Variants in AKAP9 observed in about 807,000 individuals in gnomAD.
AKAP9 encodes the protein A-kinase anchor protein 9.
AKAP9 carries 311 observed loss-of-function variants against 488.5 expected under a neutral mutation model. The observed-to-expected ratio is 0.64, with a 90% confidence interval of 0.58 to 0.70. The LOEUF (loss-of-function observed/expected upper bound fraction) is 0.70. Among genes scored for constraint, AKAP9 ranks in the 30% least tolerant of loss-of-function variants. The pLI is 0.00. For missense variants in AKAP9, 4,215 were observed against 4,374.5 expected, an observed-to-expected ratio of 0.96 and a Z score of 1.03; for synonymous variants, 1,462 against 1,483.5, an observed-to-expected ratio of 0.99 and a Z score of 0.33.
At chr7:91,944,823 G>A (rs1302379373) in intron 1 of AKAP9, among the ~76,000 whole-genome samples, 1 of 152,232 alleles carries the variant, frequency 6.6e-6, no homozygotes, top group East Asian at 1.9e-4. Flanking sequence ...CGTAGGCCTG[G>A]AATTGTAATT....
intron 2 of AKAP9, among the ~76,000 whole-genome samples, chr7:91,974,580 C>T (rs746746168): frequency 3.2e-4 from 49 of 152,108 alleles, no homozygotes; most frequent in Non-Finnish European, 6.5e-4. Context: ...ATTGTTTTGG[C>T]TGTTGCCTTG....
rs748478801 is a variant in AKAP9 at position 92,017,074 on chromosome 7, T to A, written c.3809T>A (p.Leu1270His). 3 of 1,588,754 alleles carry A rather than the reference T, an allele frequency of 1.9e-6. No homozygotes were observed. The South Asian group carries it at 3.4e-5, about 18-fold the overall frequency. Reference sequence around the variant, plus strand: ...AAAGTAACAGAAGAATACAACAAACTCTTGGTACTTCAAACACGACTAAGC... The same window carrying A: ...AAAGTAACAGAAGAATACAACAAACACTTGGTACTTCAAACACGACTAAGC... ...LNKVTEEYNK[L>H]LVLQTRLSKI... is the part of the protein sequence containing the mutation. Residue 1270 changes from leucine to histidine, a missense_variant, in exon 12 of 50, where the codon CTC becomes CAC. Coordinates refer to ENST00000356239, the MANE Select transcript of AKAP9 (RefSeq NM_005751.5).
chr7:91,971,560 C>CTTTTT lies in AKAP9; in HGVS notation c.49-2130_49-2126dup, dbSNP rs71107844. ...GTTTCTTGTGGATATACATCTATTT[C>CTTTTT]TTTTTTTTTTTTTTTTTTTTTTTTT... is the stretch of plus-strand genomic sequence containing the variant. On this transcript the variant is annotated intron_variant, in intron 1 of 49. Coordinates refer to ENST00000356239, the MANE Select transcript of AKAP9 (RefSeq NM_005751.5). Among the ~76,000 whole-genome samples, 242 of 68,564 alleles carry CTTTTT rather than the reference C, an allele frequency of 3.5e-3. 1 individual carries two copies. The highest frequency in any genetic ancestry group is 3.8e-3 in the Non-Finnish European group (147 of 38,658). 45.0% of individuals were successfully genotyped at this position (68,564 alleles called of 152,430 possible). A position where few individuals can be genotyped will look rare whatever the true frequency, so the allele number is the denominator to read the frequency against.
In AKAP9 at chr7:92,076,965, T is replaced by A; in HGVS notation, c.6723T>A (p.Thr2241=). The stretch of plus-strand genomic sequence containing the variant: ...TAGAAATACAGAAAAAGGAATCTAC[T>A]ACCCGCCTACAAGAACTTGAACAGG... The part of the protein sequence containing the change: ...MQLEIQKKES[T]TRLQELEQEN... The change falls in exon 29 of 50, where the codon ACT becomes ACA. Residue 2241 remains threonine, a synonymous_variant. Transcript: ENST00000356239. 2 of 1,579,120 alleles carry A rather than the reference T, an allele frequency of 1.3e-6. No individual in the cohort carries two copies. Among genetic ancestry groups the A allele is most frequent in the Non-Finnish European group, 1.7e-6 (2 of 1,156,936 alleles).
intron 5 of AKAP9, among the ~76,000 whole-genome samples, chr7:91,994,118 G>A (rs1421305841): frequency 1.3e-5 from 2 of 152,162 alleles, no homozygotes; most frequent in Non-Finnish European, 2.9e-5. Context: ...AACAGAGCGA[G>A]ACCCTGTCTC....
chr7:92,038,826 C>T (rs574160204), intron 17 of AKAP9, 54 bp downstream of exon 17: 57 of 1,266,896 alleles, frequency 4.5e-5, no homozygotes, highest in Non-Finnish European at 6.4e-5. Flanking sequence ...TGAATTCTTT[C>T]ACTTTAAAAA....
chr7:92,034,498 A>ATTTTTTTTTTTTTT (rs59961119), intron 16 of AKAP9, among the ~76,000 whole-genome samples: 1 of 95,456 alleles, frequency 1.0e-5, no homozygotes, highest in Non-Finnish European at 2.0e-5. Flanking sequence ...ATATATATAT[A>ATTTTTTTTTTTTTT]TTTTTTTTTT....
chr7:92,062,530 T>C (rs910666807), intron 24 of AKAP9, 44 bp downstream of exon 24: 20 of 1,554,850 alleles, frequency 1.3e-5, no homozygotes, highest in Non-Finnish European at 1.8e-5. Context: ...TCTGATTTTA[T>C]TTGTATTCTT....
chr7:92,048,778 A>G (rs752327017), intron 21 of AKAP9, among the ~76,000 whole-genome samples: 38 of 152,180 alleles, frequency 2.5e-4, no homozygotes, highest in Admixed American at 4.6e-4. Flanking sequence ...GTGGCGGCAC[A>G]TACCTGTAAT....
At chr7:92,080,303 TAAAAG>T (rs772767301) in intron 31 of AKAP9, 151 bp downstream of exon 31, 1 of 768,986 alleles carries the variant, frequency 1.3e-6, no homozygotes, top group Non-Finnish European at 1.9e-6. Context: ...AAACTCTTGT[TAAAAG>T]AAAAACTAGG....
chr7:92,050,964 C>T (rs2130801639), intron 21 of AKAP9, among the ~76,000 whole-genome samples: 1 of 152,284 alleles, frequency 6.6e-6, no homozygotes, highest in East Asian at 1.9e-4. Flanking sequence ...TTGTCTTCTC[C>T]AACCTGTGCT....
chr7:92,066,300 A>G, intron 25 of AKAP9, 127 bp from the exon 26 acceptor site: 2 of 1,182,872 alleles, frequency 1.7e-6, no homozygotes, highest in Non-Finnish European at 2.4e-6. Flanking sequence ...GTGATTTGGG[A>G]TGTTCCATGA....
chr7:92,004,315 A>C (rs1799534370), intron 8 of AKAP9, among the ~76,000 whole-genome samples: 1 of 152,174 alleles, frequency 6.6e-6, no homozygotes, highest in Non-Finnish European at 1.5e-5. Context: ...ATGAACTTTA[A>C]AGTAGTTTTT....
intron 47 of AKAP9, 41 bp downstream of exon 47, chr7:92,105,804 C>G: frequency 6.5e-7 from 1 of 1,538,736 alleles, no homozygotes; most frequent in Non-Finnish European, 9.0e-7. Flanking sequence ...TTATGACTCT[C>G]TAAATCAGAG....
At chr7:92,007,875 A>G (rs1205133632) in intron 8 of AKAP9, among the ~76,000 whole-genome samples, 1 of 152,266 alleles carries the variant, frequency 6.6e-6, no homozygotes, top group East Asian at 1.9e-4. Flanking sequence ...GATGTGTTGA[A>G]CAATGTTTAG....
chr7:92,032,496 CAAAAA>C (rs56966156), intron 16 of AKAP9, among the ~76,000 whole-genome samples: 1 of 80,514 alleles, frequency 1.2e-5, no homozygotes. Flanking sequence ...AACTCCGTCT[CAAAAA>C]AAAAAAAAAA....
intron 26 of AKAP9, among the ~76,000 whole-genome samples, chr7:92,068,086 C>T (rs1387641561): frequency 6.6e-6 from 1 of 151,842 alleles, no homozygotes; most frequent in Non-Finnish European, 1.5e-5. Context: ...CAGGGCTGGG[C>T]GTGATGGCTC....
intron 12 of AKAP9, 81 bp downstream of exon 12, chr7:92,017,183 G>A: frequency 2.8e-6 from 3 of 1,072,074 alleles, no homozygotes; most frequent in Non-Finnish European, 4.2e-6. Context: ...TATCAACCAA[G>A]AATTTCTAAA....
chr7:92,018,014 T>G (rs1300675911), intron 12 of AKAP9, among the ~76,000 whole-genome samples: 1 of 152,178 alleles, frequency 6.6e-6, no homozygotes, highest in Non-Finnish European at 1.5e-5. Context: ...GAGGTTTATG[T>G]CAGTAATCAC....
Sources: allele counts gnomAD v4.1 joint callset (sites outside exome capture counted in the v4.1 genomes callset), GRCh38; gene constraint gnomAD v4.1.1; transcripts MANE v1.5; gene names NCBI Gene and HGNC (gene_info 2026-07-23, HGNC 2026-07-21).